Variants in SLC38A8 observed in about 807,000 individuals in gnomAD.
SLC38A8 encodes the protein amino acid transporter SLC38A8.
A neutral mutation model predicts 46.0 loss-of-function variants in SLC38A8; 65 were observed. That is an observed-to-expected ratio of 1.41 (90% CI 1.16 to 1.74). The LOEUF (loss-of-function observed/expected upper bound fraction) is 1.74, where lower values mean the gene tolerates loss of function less well. SLC38A8 is among the 40% of genes most tolerant of loss of function. SLC38A8 has a pLI of 0.00. For synonymous variants in SLC38A8, 447 were observed against 243.7 expected (o/e 1.83, Z -7.77); for missense variants, 998 against 567.9 (o/e 1.76, Z -7.70).
chr16:84,020,093 G>A (rs770576434), intron 7 of SLC38A8, among the ~76,000 whole-genome samples: 1 of 152,088 alleles, frequency 6.6e-6, no homozygotes, highest in Non-Finnish European at 1.5e-5. Context: ...CATTGCCCTG[G>A]CAGAGACTCT....
intron 7 of SLC38A8, among the ~76,000 whole-genome samples, chr16:84,017,691 G>T (rs1012156594): frequency 1.3e-5 from 2 of 152,204 alleles, no homozygotes; most frequent in Non-Finnish European, 2.9e-5. Context: ...CCAAGAGCCA[G>T]GGCATCAACC....
At chr16:84,023,929 C>G (rs938064829) in intron 6 of SLC38A8, among the ~76,000 whole-genome samples, 2 of 152,164 alleles carry the variant, frequency 1.3e-5, no homozygotes, top group Non-Finnish European at 2.9e-5. Context: ...AGAATGTTTC[C>G]GTTAATGGAT....
chr16:84,035,524 C>G (rs2085291062), intron 3 of SLC38A8, among the ~76,000 whole-genome samples: 1 of 152,314 alleles, frequency 6.6e-6, no homozygotes, highest in Admixed American at 6.5e-5. Context: ...AAGACCCGAC[C>G]ATATGCTGCC....
chr16:84,036,077 G>C (rs967784716), intron 3 of SLC38A8, among the ~76,000 whole-genome samples: 2 of 152,288 alleles, frequency 1.3e-5, no homozygotes, highest in African/African-American at 4.8e-5. Flanking sequence ...AGACAGCAAT[G>C]ATACAGACTC....
chr16:84,025,578 G>A (rs1375019029), intron 6 of SLC38A8, among the ~76,000 whole-genome samples: 4 of 152,064 alleles, frequency 2.6e-5, no homozygotes, highest in East Asian at 3.9e-4. Context: ...AGCCTGCACC[G>A]AGCTGAATAA....
At chr16:84,011,740 C>T (rs2151110839) in intron 10 of SLC38A8, among the ~76,000 whole-genome samples, 1 of 152,206 alleles carries the variant, frequency 6.6e-6, no homozygotes, top group Non-Finnish European at 1.5e-5. Flanking sequence ...GAAAGGCAGC[C>T]AGGTGTGATG....
chr16:84,011,900 A>G (rs2084958265), intron 10 of SLC38A8, among the ~76,000 whole-genome samples: 1 of 152,184 alleles, frequency 6.6e-6, no homozygotes, highest in Non-Finnish European at 1.5e-5. Flanking sequence ...TAAAATAAAT[A>G]AAAGCAGAGG....
rs967705903 is a variant in SLC38A8 at position 84,022,851 on chromosome 16, G to C, written c.729C>G (p.Arg243=). The part of the protein sequence containing the change: ...EAAVSIYCSM[R]KRSLSHWALV... ...GGGCCCAGTGGGAGAGGCTCCGTTT[G>C]CGCATGCTGCAGTAGATGGAGACGG... Residue 243 remains arginine (R), a synonymous_variant, in exon 7 of 11, where the codon CGC becomes CGG. Transcript: ENST00000299709. The C allele has an allele frequency of 1.9e-6, 3 of 1,611,236 alleles. No homozygotes were observed. Among genetic ancestry groups the C allele is most frequent in the African/African-American group, 2.7e-5 (2 of 74,656 alleles).
chr16:84,033,713 A>T (rs766911662), intron 3 of SLC38A8, among the ~76,000 whole-genome samples: 14 of 152,158 alleles, frequency 9.2e-5, no homozygotes. Context: ...CACTGCTCTA[A>T]GGCCCAAGAT....
intron 3 of SLC38A8, among the ~76,000 whole-genome samples, chr16:84,034,410 C>T (rs1320365044): frequency 6.6e-6 from 1 of 152,176 alleles, no homozygotes; most frequent in Non-Finnish European, 1.5e-5. Flanking sequence ...TGATTTGGAA[C>T]CCATCTAAGA....
intron 2 of SLC38A8, 62 bp from the exon 3 acceptor site, chr16:84,036,962 G>T: frequency 6.9e-7 from 1 of 1,449,600 alleles, no homozygotes; most frequent in Non-Finnish European, 9.2e-7. Context: ...CCCCCAGCCA[G>T]CCACCCCTCG....
intron 4 of SLC38A8, among the ~76,000 whole-genome samples, chr16:84,032,943 G>A (rs1205475221): frequency 7.2e-6 from 1 of 139,350 alleles, no homozygotes; most frequent in Non-Finnish European, 1.5e-5. Context: ...GGTGTGCATG[G>A]GTGGGTGTGG....
Position 84,021,042 on chromosome 16 carries a change from G to C in SLC38A8, c.805+1733C>G, listed in dbSNP as rs1039866876. Among the ~76,000 whole-genome samples, 5 of 152,258 alleles carry C rather than the reference G, an allele frequency of 3.3e-5. 1 individual carries two copies. In the South Asian group the frequency reaches 1.0e-3, roughly 32 times the overall value. On this transcript the variant is annotated intron_variant, in intron 7 of 10. Transcript: ENST00000299709. ...TGCTCCTTGGATATCTCTTCCGCCA[G>C]ATACCCTAGTTCATCCTTTTTTGCC...
intron 9 of SLC38A8, among the ~76,000 whole-genome samples, chr16:84,015,401 C>G (rs1399038596): frequency 6.6e-6 from 1 of 152,024 alleles, no homozygotes; most frequent in Non-Finnish European, 1.5e-5. Context: ...GCCTCCAGGG[C>G]CTGGAGGCAG....
chr16:84,033,333 G>A lies in SLC38A8; in HGVS notation c.525C>T (p.Tyr175=), dbSNP rs376932803. The part of the protein sequence containing the change: ...SAPREIAFQK[Y]TSILGTLAAC... ...GGCAGCATCCCAGCCCTTACCTTGT[G>A]TATTTCTGGAAGGCGATCTCCCGCG... The change falls in exon 4 of 11, where the codon TAC becomes TAT. Residue 175 remains tyrosine, a synonymous_variant. Transcript: ENST00000299709. The A allele has an allele frequency of 8.7e-6, 14 of 1,613,954 alleles. No individual in the cohort carries two copies. The South Asian group carries it at 9.9e-5, about 11-fold the overall frequency.
At chr16:84,037,021 C>A (rs2085308325) in intron 2 of SLC38A8, 121 bp from the exon 3 acceptor site, 3 of 1,031,106 alleles carry the variant, frequency 2.9e-6, no homozygotes, top group Admixed American at 2.1e-5. Context: ...GGGCTGCTGC[C>A]AACATGGGGT....
intron 3 of SLC38A8, among the ~76,000 whole-genome samples, chr16:84,034,076 C>A (rs530267788): frequency 6.6e-6 from 1 of 152,198 alleles, no homozygotes; most frequent in Non-Finnish European, 1.5e-5. Context: ...TGGAGGAACC[C>A]TGATGGCTCC....
intron 7 of SLC38A8, among the ~76,000 whole-genome samples, chr16:84,022,530 T>A (rs1597259057): frequency 6.6e-6 from 1 of 152,024 alleles, no homozygotes; most frequent in African/African-American, 2.4e-5. Context: ...TAGGCTGGAG[T>A]TCAGGTCTCA....
intron 7 of SLC38A8, among the ~76,000 whole-genome samples, chr16:84,022,440 C>T (rs554235015): frequency 4.5e-4 from 68 of 152,304 alleles, no homozygotes; most frequent in Non-Finnish European, 7.8e-4. Flanking sequence ...AGTGTAATGA[C>T]GGACAGCAGT....
Sources: allele counts gnomAD v4.1 joint callset (sites outside exome capture counted in the v4.1 genomes callset), GRCh38; gene constraint gnomAD v4.1.1; transcripts MANE v1.5; gene names NCBI Gene and HGNC (gene_info 2026-07-23, HGNC 2026-07-21).